TTLL11: variants seen among roughly 807,000 people sequenced by gnomAD.
The protein encoded by TTLL11 is tubulin polyglutamylase TTLL11.
In TTLL11, 42 loss-of-function variants were observed where a neutral mutation model predicts 51.7. That is an observed-to-expected ratio of 0.81 (90% confidence interval 0.64 to 1.05). The LOEUF is 1.05. TTLL11 is among the 50% of genes least tolerant of loss of function. The pLI, the probability that TTLL11 is intolerant of heterozygous loss-of-function variation, is 0.00. For missense variants in TTLL11, 799 were observed against 940.4 expected, an observed-to-expected ratio of 0.85 and a Z score of 1.97; for synonymous variants, 381 against 383.5, an observed-to-expected ratio of 0.99 and a Z score of 0.08.
At chr9:121,844,071 A>G (rs10985415) in intron 8 of TTLL11, among the ~76,000 whole-genome samples, 5,114 of 152,204 alleles carry the variant, frequency 0.034, 259 homozygotes, top group African/African-American at 0.11. Flanking sequence ...ATAAAGGGAG[A>G]AAAAAGGGGC....
At chr9:121,923,007 G>A (rs1214555402) in intron 6 of TTLL11, among the ~76,000 whole-genome samples, 1 of 152,176 alleles carries the variant, frequency 6.6e-6, no homozygotes, top group Non-Finnish European at 1.5e-5. Context: ...AACACCTAAT[G>A]CTTTGCAGGT....
intron 8 of TTLL11, among the ~76,000 whole-genome samples, chr9:121,859,642 T>C (rs1180368830): frequency 6.6e-6 from 1 of 152,234 alleles, no homozygotes; most frequent in Non-Finnish European, 1.5e-5. Flanking sequence ...TCAAATTTTC[T>C]TGTGTGGCAT....
At chr9:121,892,118 G>A (rs1418821666) in intron 6 of TTLL11, among the ~76,000 whole-genome samples, 1 of 113,288 alleles carries the variant, frequency 8.8e-6, no homozygotes, top group Non-Finnish European at 1.8e-5. Context: ...AAGTTAAAAA[G>A]TCTCCTTCTA....
intron 6 of TTLL11, among the ~76,000 whole-genome samples, chr9:121,954,299 A>G (rs1446635219): frequency 6.6e-5 from 10 of 152,230 alleles, no homozygotes. Flanking sequence ...CAAGTGGTGG[A>G]AGGGTGCTAA....
chr9:121,996,229 T>A (rs993286991), intron 3 of TTLL11, among the ~76,000 whole-genome samples: 2 of 152,144 alleles, frequency 1.3e-5, no homozygotes, highest in African/African-American at 4.8e-5. Flanking sequence ...CTCTCACCTC[T>A]ATGCCTTTAC....
intron 6 of TTLL11, among the ~76,000 whole-genome samples, chr9:121,909,601 A>G (rs73664714): frequency 0.028 from 4,301 of 152,264 alleles, 150 homozygotes; most frequent in African/African-American, 0.078. Flanking sequence ...ACCAGGGTCC[A>G]TGGCAAATGA....
At chr9:121,881,319 C>A (rs1450728383) in intron 6 of TTLL11, among the ~76,000 whole-genome samples, 1 of 152,138 alleles carries the variant, frequency 6.6e-6, no homozygotes, top group Non-Finnish European at 1.5e-5. Flanking sequence ...AAAAGTTATT[C>A]TTTGCCTAGA....
intron 1 of TTLL11, among the ~76,000 whole-genome samples, chr9:122,077,591 A>G (rs1453522453): frequency 6.6e-6 from 1 of 152,166 alleles, no homozygotes; most frequent in Non-Finnish European, 1.5e-5. Flanking sequence ...CTCTTAATAG[A>G]TCAGACAAAA....
intron 8 of TTLL11, among the ~76,000 whole-genome samples, chr9:121,826,555 G>GTATGTGTA (rs1230489015): frequency 2.1e-5 from 1 of 48,108 alleles, no homozygotes; most frequent in South Asian, 7.1e-4. Flanking sequence ...ATATATGTGT[G>GTATGTGTA]TGTATATATA....
At chr9:121,910,184 G>A (rs1013655712) in intron 6 of TTLL11, among the ~76,000 whole-genome samples, 1 of 152,228 alleles carries the variant, frequency 6.6e-6, no homozygotes, top group Admixed American at 6.5e-5. Context: ...AGACACAAGG[G>A]AGAAGAGCAG....
chr9:121,867,703 G>C (rs1420663321), intron 7 of TTLL11, among the ~76,000 whole-genome samples: 1 of 152,096 alleles, frequency 6.6e-6, no homozygotes. Flanking sequence ...AGCCTGCTTT[G>C]ATTCCACCAG....
At chr9:121,869,421 G>A (rs10985424) in intron 7 of TTLL11, among the ~76,000 whole-genome samples, 1 of 152,162 alleles carries the variant, frequency 6.6e-6, no homozygotes, top group African/African-American at 2.4e-5. Context: ...AAAAACAACA[G>A]CAATACTGAG....
At chr9:122,068,911 C>T (rs1487938892) in intron 1 of TTLL11, among the ~76,000 whole-genome samples, 2 of 152,122 alleles carry the variant, frequency 1.3e-5, no homozygotes, top group African/African-American at 4.8e-5. Context: ...GCTCTGTCCC[C>T]TTTTGCTGCC....
chr9:121,935,263 C>A (rs1300245143), intron 6 of TTLL11, among the ~76,000 whole-genome samples: 1 of 152,084 alleles, frequency 6.6e-6, no homozygotes, highest in Admixed American at 6.6e-5. Context: ...GGTCTCCTGT[C>A]TTAAGTAGTA....
chr9:121,851,772 AG>A (rs1837669081), intron 8 of TTLL11, among the ~76,000 whole-genome samples: 1 of 152,238 alleles, frequency 6.6e-6, no homozygotes, highest in Non-Finnish European at 1.5e-5. Flanking sequence ...GCAACAATAA[AG>A]TGTGTGCAAA....
At chr9:121,866,720 G>A (rs1377116481) in intron 7 of TTLL11, among the ~76,000 whole-genome samples, 1 of 151,984 alleles carries the variant, frequency 6.6e-6, no homozygotes, top group Non-Finnish European at 1.5e-5. Flanking sequence ...GTTGTGCAAT[G>A]CTTTCTCCAT....
In TTLL11 at chr9:121,818,737, A is replaced by C. The variant is rs1564255579; in HGVS notation, c.*3850T>G. Reference sequence around the variant, plus strand: ...GGCCAGCAAGACAAGGGTGGTGGGAAATAGCACATCCTCCTCCTGTCTCAT... The same window carrying C: ...GGCCAGCAAGACAAGGGTGGTGGGACATAGCACATCCTCCTCCTGTCTCAT... On this transcript the variant is annotated 3_prime_UTR_variant, in exon 9 of 9. Coordinates refer to ENST00000321582, the MANE Select transcript of TTLL11 (RefSeq NM_001139442.2). 1.3e-5 allele frequency: 2 copies of C among 152,466 alleles called. No individual in the cohort carries two copies. The highest frequency in any genetic ancestry group is 2.9e-5 in the Non-Finnish European group (2 of 68,222). The allele number at this position is 152,466 out of a possible 1,614,324, so 9.4% of individuals were successfully genotyped here.
intron 8 of TTLL11, among the ~76,000 whole-genome samples, chr9:121,844,746 A>G (rs1837464315): frequency 6.6e-6 from 1 of 152,212 alleles, no homozygotes; most frequent in South Asian, 2.1e-4. Flanking sequence ...TGGGCCCATC[A>G]GCAGATTGGA....
At chr9:121,867,040 C>T (rs374880717) in intron 7 of TTLL11, among the ~76,000 whole-genome samples, 2 of 152,148 alleles carry the variant, frequency 1.3e-5, no homozygotes, top group Non-Finnish European at 2.9e-5. Flanking sequence ...TTTTTGACCT[C>T]GCCTGGTTCC....
Sources: allele counts gnomAD v4.1 joint callset (sites outside exome capture counted in the v4.1 genomes callset), GRCh38; gene constraint gnomAD v4.1.1; transcripts MANE v1.5; gene names NCBI Gene and HGNC (gene_info 2026-07-23, HGNC 2026-07-21).